Variants in SLCO2B1 observed in about 807,000 individuals in gnomAD.
The protein encoded by SLCO2B1 is OATP-RP2.
A neutral mutation model predicts 67.3 loss-of-function variants in SLCO2B1; 41 were observed. The observed-to-expected ratio is 0.61, with a 90% CI of 0.47 to 0.79. The LOEUF (loss-of-function observed/expected upper bound fraction) is 0.79. Among genes scored for constraint, SLCO2B1 ranks in the 30% least tolerant of loss-of-function variants. The pLI is 0.00. For synonymous variants in SLCO2B1, 379 were observed against 381.4 expected, an observed-to-expected ratio of 0.99 and a Z score of 0.07; for missense variants, 837 against 920.1, an observed-to-expected ratio of 0.91 and a Z score of 1.17.
chr11:75,166,814 A>AG (rs1435473718), intron 4 of SLCO2B1, among the ~76,000 whole-genome samples: 1 of 152,166 alleles, frequency 6.6e-6, no homozygotes, highest in African/African-American at 2.4e-5. Context: ...AGGGAAGCAC[A>AG]GGGGTGGGAG....
At chr11:75,157,664 C>T (rs1252925712) in intron 1 of SLCO2B1, among the ~76,000 whole-genome samples, 1 of 152,154 alleles carries the variant, frequency 6.6e-6, no homozygotes, top group Non-Finnish European at 1.5e-5. Flanking sequence ...GGCCAGCTGC[C>T]CCAAAGGCCT....
At chr11:75,164,182 C>T in intron 3 of SLCO2B1, 82 bp downstream of exon 3, 2 of 1,463,686 alleles carry the variant, frequency 1.4e-6, no homozygotes, top group Non-Finnish European at 1.8e-6. Flanking sequence ...TCTCACTACC[C>T]TACCTTAAGG....
intron 3 of SLCO2B1, among the ~76,000 whole-genome samples, chr11:75,164,313 G>A (rs753999870): frequency 6.6e-6 from 1 of 152,176 alleles, no homozygotes; most frequent in Non-Finnish European, 1.5e-5. Context: ...CCTCTAATGG[G>A]TCGGGTCCTG....
At chr11:75,175,447 G>A (rs1269941454) in intron 7 of SLCO2B1, among the ~76,000 whole-genome samples, 1 of 152,148 alleles carries the variant, frequency 6.6e-6, no homozygotes, top group Non-Finnish European at 1.5e-5. Flanking sequence ...AGAAAGTGAA[G>A]GGCAGAGCTA....
chr11:75,154,210 C>T (rs1275247319), intron 1 of SLCO2B1, among the ~76,000 whole-genome samples: 3 of 151,372 alleles, frequency 2.0e-5, no homozygotes, highest in Admixed American at 6.6e-5. Context: ...AGGCATGAAC[C>T]ACCGCGCCTG....
chr11:75,204,302 G>C, intron 13 of SLCO2B1, 98 bp from the exon 14 acceptor site: 1 of 1,253,686 alleles, frequency 8.0e-7, no homozygotes, highest in Non-Finnish European at 1.1e-6. Flanking sequence ...GTCTCCCTGA[G>C]GCCTCAGTAT....
chr11:75,184,609 G>A (rs1950128343), intron 7 of SLCO2B1, among the ~76,000 whole-genome samples: 1 of 152,122 alleles, frequency 6.6e-6, no homozygotes, highest in Admixed American at 6.5e-5. Flanking sequence ...GGCCCATATG[G>A]TTCCCTTACC....
intron 7 of SLCO2B1, among the ~76,000 whole-genome samples, chr11:75,177,750 A>G (rs895207863): frequency 3.9e-5 from 6 of 152,286 alleles, no homozygotes; most frequent in Admixed American, 3.9e-4. Flanking sequence ...GATGTTCTTC[A>G]TAAATAAGAA....
intron 7 of SLCO2B1, 23 bp from the exon 8 acceptor site, chr11:75,188,113 C>T: frequency 1.3e-6 from 2 of 1,576,408 alleles, no homozygotes; most frequent in African/African-American, 1.3e-5. Context: ...AGCGGACTGT[C>T]CTTGGTTTTG....
At chr11:75,203,993 G>C in intron 13 of SLCO2B1, 1 of 164,754 alleles carries the variant, frequency 6.1e-6, no homozygotes, top group Non-Finnish European at 1.3e-5. Context: ...GGAGGGCACA[G>C]TTTCTGTGGG....
intron 7 of SLCO2B1, among the ~76,000 whole-genome samples, chr11:75,179,388 T>C (rs546101713): frequency 8.6e-5 from 13 of 151,746 alleles, no homozygotes; most frequent in Admixed American, 2.0e-4. Context: ...CCCGCCACCA[T>C]ACCCAGCTAA....
chr11:75,186,957 T>C (rs965106253), intron 7 of SLCO2B1, among the ~76,000 whole-genome samples: 1 of 152,216 alleles, frequency 6.6e-6, no homozygotes. Flanking sequence ...TGGATTCAAA[T>C]CCTAGCTGGA....
intron 1 of SLCO2B1, among the ~76,000 whole-genome samples, chr11:75,155,409 C>G (rs576286563): frequency 3.3e-5 from 5 of 152,276 alleles, no homozygotes; most frequent in Admixed American, 6.5e-5. Flanking sequence ...CCCACAGACC[C>G]CGTGCTCCAG....
chr11:75,179,055 G>A (rs1330887514), intron 7 of SLCO2B1, among the ~76,000 whole-genome samples: 1 of 152,024 alleles, frequency 6.6e-6, no homozygotes. Flanking sequence ...TGGCTACTGT[G>A]AATGGTGCTG....
intron 7 of SLCO2B1, among the ~76,000 whole-genome samples, chr11:75,185,001 G>T (rs896369625): frequency 6.6e-5 from 10 of 152,088 alleles, no homozygotes; most frequent in African/African-American, 2.2e-4. Context: ...CCTAGAGCCT[G>T]CTCCCTGCTG....
rs557411784 is a variant in SLCO2B1, at chr11:75,173,914, C to T, written c.972+1345C>T. 1.9e-4 allele frequency among the ~76,000 whole-genome samples: 29 copies of T among 152,082 alleles called. 1 individual carries two copies. Among genetic ancestry groups the T allele is most frequent in the African/African-American group, 2.7e-4 (11 of 41,420 alleles). On this transcript the variant is annotated intron_variant, in intron 7 of 13. Coordinates refer to ENST00000289575, the MANE Select transcript of SLCO2B1 (RefSeq NM_007256.5). Reference sequence around the variant, plus strand: ...AACTCCCAGGTTCAAGCGATTCTTCCGCCTCAGCCTCCCAAATAGCTGGGA... The same window carrying T: ...AACTCCCAGGTTCAAGCGATTCTTCTGCCTCAGCCTCCCAAATAGCTGGGA...
At chr11:75,158,143 C>T (rs918105702) in intron 1 of SLCO2B1, among the ~76,000 whole-genome samples, 3 of 152,036 alleles carry the variant, frequency 2.0e-5, no homozygotes, top group South Asian at 4.1e-4. Context: ...GGCATGATCT[C>T]GGCTCACTGC....
At chr11:75,157,500 T>C (rs1322761411) in intron 1 of SLCO2B1, among the ~76,000 whole-genome samples, 1 of 152,052 alleles carries the variant, frequency 6.6e-6, no homozygotes, top group African/African-American at 2.4e-5. Flanking sequence ...AGAGAGATGA[T>C]CCAGAGATGG....
chr11:75,193,401 C>T lies in SLCO2B1; in HGVS notation c.1259C>T (p.Ser420Leu), dbSNP rs200453426. The T allele has an allele frequency of 4.3e-5, 70 of 1,614,096 alleles. No homozygotes were observed. In the East Asian group the frequency reaches 4.7e-4, roughly 11 times the overall value. The change falls in exon 9 of 14, where the codon TCG becomes TTG. Residue 420 changes from serine (S) to leucine (L), a missense_variant. Transcript: ENST00000289575. The surrounding 1 kb of genome is among the most constrained non-coding windows in gnomAD (Gnocchi z 4.2). ...NLLIGCLSFPSVIVGIVVGGV... is the reference protein window; with the variant it reads ...NLLIGCLSFPLVIVGIVVGGV... Reference sequence around the variant, plus strand: ...CTCATCGGCTGCCTCTCCTTCCCTTCGGTCATCGTGGGCATCGTGGTGGGT... The same window carrying T: ...CTCATCGGCTGCCTCTCCTTCCCTTTGGTCATCGTGGGCATCGTGGTGGGT...
Sources: gnomAD v4.1 joint callset for allele counts (sites outside exome capture counted in the v4.1 genomes callset) on GRCh38, gnomAD v4.1.1 for gene constraint, Gnocchi (gnomAD v3.1) non-coding constraint, MANE v1.5 for transcripts, NCBI Gene and HGNC (gene_info 2026-07-23, HGNC 2026-07-21) for gene names.